The following CCDC33 variants were observed in gnomAD, a reference collection of about 807,000 sequenced individuals.
The protein encoded by CCDC33 is coiled-coil domain-containing protein 33.
In CCDC33, 94 loss-of-function variants were observed where a neutral mutation model predicts 91.9. The ratio of observed to expected loss-of-function variants is 1.02; its 90% CI spans 0.87 to 1.21. The LOEUF is 1.21. Ranked by LOEUF, CCDC33 falls within the 50% of genes most tolerant of loss-of-function variation. The probability of loss-of-function intolerance (pLI) is 0.00; values close to 1 mark genes in which losing one functional copy is unlikely to be tolerated. For missense variants in CCDC33, 940 were observed against 935.5 expected (o/e 1.00, Z -0.06); for synonymous variants, 396 against 374.5 (o/e 1.06, Z -0.66).
chr15:74,273,308 C>G (rs914430527), intron 7 of CCDC33, among the ~76,000 whole-genome samples: 1 of 152,112 alleles, frequency 6.6e-6, no homozygotes, highest in African/African-American at 2.4e-5. Context: ...AGTTACAGGT[C>G]ATAAGTACCT....
intron 2 of CCDC33, among the ~76,000 whole-genome samples, chr15:74,229,220 C>T (rs1333576533): frequency 1.3e-5 from 2 of 152,146 alleles, no homozygotes; most frequent in Non-Finnish European, 1.5e-5. Context: ...AAGCTGGGGG[C>T]GGTGGCTCAC....
intron 10 of CCDC33, among the ~76,000 whole-genome samples, chr15:74,291,834 G>C (rs2059590637): frequency 6.6e-6 from 1 of 152,234 alleles, no homozygotes; most frequent in Non-Finnish European, 1.5e-5. Context: ...CATTGGCCTG[G>C]TCTGTCTCAA....
rs185883950 is a variant in CCDC33, at chr15:74,222,118, G to A, written c.675+3257G>A. ...TGACTCTTGGAGGGCTGGAAAGGGC[G>A]GGGGAGACCACAACAGCTGTGGGCC... On this transcript the variant is annotated intron_variant, in intron 2 of 2. Transcript: ENST00000635913. Among the ~76,000 whole-genome samples, 90 of 152,244 alleles carry A rather than the reference G, an allele frequency of 5.9e-4. No homozygotes were observed. In the Middle Eastern group the frequency reaches 0.024, roughly 40 times the overall value.
At chr15:74,272,637 G>A in intron 6 of CCDC33, 134 bp from the exon 7 acceptor site, 1 of 1,182,488 alleles carries the variant, frequency 8.5e-7, no homozygotes, top group Non-Finnish European at 1.2e-6. Context: ...TTGTCGTGAG[G>A]TCCAGGCCCG....
At position 74,208,711 on chromosome 15, in the gene CCDC33, C is replaced by T. The variant is rs572397608; in HGVS notation, n.90-677C>T. Reference sequence around the variant, plus strand: ...CTGCCCCTAGGCTCTGACTCCTGCTCACTTCCCACCGCACACCCCATGTGC... The same window carrying T: ...CTGCCCCTAGGCTCTGACTCCTGCTTACTTCCCACCGCACACCCCATGTGC... On this transcript the variant is annotated intron_variant and non_coding_transcript_variant, in intron 1 of 3. Coordinates refer to the CCDC33 transcript ENST00000558645. The T allele has an allele frequency of 3.6e-5, 36 of 987,460 alleles. No individual in the cohort carries two copies. In the South Asian group the frequency reaches 1.4e-3, roughly 39 times the overall value. 61.2% of individuals were successfully genotyped at this position (987,460 alleles called of 1,614,324 possible).
intron 11 of CCDC33, among the ~76,000 whole-genome samples, chr15:74,319,035 G>C (rs1001311731): frequency 2.5e-4 from 38 of 152,224 alleles, no homozygotes; most frequent in African/African-American, 5.5e-4. Context: ...AGGCTTGCTG[G>C]TAGTGCATGT....
chr15:74,309,167 T>C (rs946930535), intron 11 of CCDC33, among the ~76,000 whole-genome samples: 6 of 152,108 alleles, frequency 3.9e-5, no homozygotes, highest in African/African-American at 1.2e-4. Flanking sequence ...CATGCATTGT[T>C]CCCTTGCCTG....
chr15:74,326,451 G>A (rs1030192731), intron 11 of CCDC33, among the ~76,000 whole-genome samples: 6 of 152,252 alleles, frequency 3.9e-5, no homozygotes, highest in African/African-American at 1.4e-4. Context: ...CCCCCTTGGG[G>A]TGGGGTGATT....
intron 5 of CCDC33, among the ~76,000 whole-genome samples, chr15:74,271,416 G>A (rs766931229): frequency 1.3e-5 from 2 of 152,068 alleles, no homozygotes; most frequent in South Asian, 2.1e-4. Context: ...AACTCTCATC[G>A]TACCCTTTCT....
intron 7 of CCDC33, among the ~76,000 whole-genome samples, chr15:74,279,544 T>A (rs1041488688): frequency 3.9e-5 from 6 of 151,946 alleles, no homozygotes; most frequent in East Asian, 1.9e-4. Context: ...TTATTTATTT[T>A]ATTTATTTAG....
At chr15:74,212,357 A>G (rs373492237), upstream of CCDC33, 4 of 152,280 alleles carry the variant, frequency 2.6e-5, no homozygotes, top group African/African-American at 9.6e-5. Context: ...CAAGTCTGGC[A>G]GAGGGGGGCT....
intron 17 of CCDC33, among the ~76,000 whole-genome samples, chr15:74,334,547 C>A (rs1170876266): frequency 6.6e-6 from 1 of 151,058 alleles, no homozygotes; most frequent in East Asian, 1.9e-4. Flanking sequence ...AGTGTGTGAC[C>A]AGAGTCAGCG....
intron 7 of CCDC33, among the ~76,000 whole-genome samples, chr15:74,278,834 A>C (rs1044415798): frequency 2.6e-5 from 4 of 152,188 alleles, no homozygotes; most frequent in Non-Finnish European, 5.9e-5. Flanking sequence ...CATTGTTTAA[A>C]TCATACCCAT....
At chr15:74,274,637 C>T (rs2076404470) in intron 7 of CCDC33, among the ~76,000 whole-genome samples, 1 of 152,228 alleles carries the variant, frequency 6.6e-6, no homozygotes, top group Non-Finnish European at 1.5e-5. Flanking sequence ...AGTTACCTCA[C>T]ACATGGCCCT....
intron 2 of CCDC33, among the ~76,000 whole-genome samples, chr15:74,211,815 A>C (rs1256747706): frequency 6.6e-6 from 1 of 150,530 alleles, no homozygotes; most frequent in East Asian, 2.0e-4. Context: ...TCTGTGTCTG[A>C]CTCAGTCTCC....
chr15:74,257,516 T>C (rs914571621), intron 2 of CCDC33, among the ~76,000 whole-genome samples: 1 of 152,124 alleles, frequency 6.6e-6, no homozygotes, highest in Admixed American at 6.5e-5. Flanking sequence ...CTGGGGCTCT[T>C]CCCTCCTGCC....
At position 74,273,760 on chromosome 15, in the gene CCDC33, C is replaced by T. The variant is rs544429608; in HGVS notation, c.759+869C>T. Among the ~76,000 whole-genome samples, 7 of 151,750 alleles carry T rather than the reference C, an allele frequency of 4.6e-5. No homozygotes were observed. The South Asian group carries it at 1.2e-3, about 27-fold the overall frequency. ...CTGGGATTACAGGCATGAGTCACTG[C>T]GCCCAGCGAAAAATTTTTTTTAATC... On this transcript the variant is annotated intron_variant, in intron 7 of 18. Transcript: ENST00000398814.
upstream of CCDC33, among the ~76,000 whole-genome samples, chr15:74,231,350 C>T (rs2074965940): frequency 6.6e-6 from 1 of 152,218 alleles, no homozygotes; most frequent in South Asian, 2.1e-4. Flanking sequence ...CTCCAGGCCC[C>T]CTGGCTCTGC....
At chr15:74,269,139 C>T (rs1214156479) in intron 5 of CCDC33, among the ~76,000 whole-genome samples, 1 of 152,128 alleles carries the variant, frequency 6.6e-6, no homozygotes, top group Non-Finnish European at 1.5e-5. Flanking sequence ...TCAAAGCAGA[C>T]ATGATGCAGG....
Sources: allele counts gnomAD v4.1 joint callset (sites outside exome capture counted in the v4.1 genomes callset), GRCh38; gene constraint gnomAD v4.1.1; transcripts MANE v1.5; gene names NCBI Gene and HGNC (gene_info 2026-07-23, HGNC 2026-07-21).